The following ZFHX3 variants were observed in gnomAD, a reference collection of about 807,000 sequenced individuals.
ZFHX3 encodes zinc finger homeobox protein 3.
In ZFHX3, 42 loss-of-function variants were observed where a neutral mutation model predicts 279.1. That is an observed-to-expected ratio of 0.15 (90% confidence interval 0.12 to 0.19). The LOEUF (loss-of-function observed/expected upper bound fraction) is 0.19. ZFHX3 is among the 10% of genes least tolerant of loss of function. The pLI, the probability that ZFHX3 is intolerant of heterozygous loss-of-function variation, is 1.00. For synonymous variants in ZFHX3, 2,293 were observed against 1,957.8 expected, an observed-to-expected ratio of 1.17 and a Z score of -4.52; for missense variants, 4,981 against 4,754.0, an observed-to-expected ratio of 1.05 and a Z score of -1.40.
intron 7 of ZFHX3, among the ~76,000 whole-genome samples, chr16:73,097,730 C>A (rs1219833318): frequency 6.6e-6 from 1 of 152,116 alleles, no homozygotes; most frequent in Non-Finnish European, 1.5e-5. Context: ...TCCCTCTTTC[C>A]CCGTCCCCGT....
At chr16:73,011,757 T>A (rs1442256798) in intron 1 of ZFHX3, among the ~76,000 whole-genome samples, 1 of 147,554 alleles carries the variant, frequency 6.8e-6, no homozygotes, top group Non-Finnish European at 1.5e-5. Flanking sequence ...CCCCTGTGGA[T>A]TCTTAAGCTT....
At chr16:73,187,398 G>T (rs750141070) in intron 5 of ZFHX3, among the ~76,000 whole-genome samples, 2 of 151,302 alleles carry the variant, frequency 1.3e-5, no homozygotes, top group Non-Finnish European at 2.9e-5. Flanking sequence ...ACAGAGAAAC[G>T]TCAAGGACAG....
chr16:73,786,336 C>T (rs1304078688), intron 1 of ZFHX3, among the ~76,000 whole-genome samples: 1 of 152,058 alleles, frequency 6.6e-6, no homozygotes, highest in African/African-American at 2.4e-5. Context: ...CTGTAATTGT[C>T]ATAAAGTTTC....
chr16:73,101,769 T>G (rs1267086953), intron 7 of ZFHX3, among the ~76,000 whole-genome samples: 1 of 151,924 alleles, frequency 6.6e-6, no homozygotes, highest in African/African-American at 2.4e-5. Context: ...TCTTTATTTT[T>G]GTTAATGACA....
intron 2 of ZFHX3, among the ~76,000 whole-genome samples, chr16:73,513,171 G>A (rs1457687481): frequency 6.6e-6 from 1 of 152,176 alleles, no homozygotes; most frequent in African/African-American, 2.4e-5. Flanking sequence ...TGAGACAGAT[G>A]GACAGCTCTT....
chr16:73,070,634 T>G (rs1451820997), intron 8 of ZFHX3, among the ~76,000 whole-genome samples: 4 of 152,078 alleles, frequency 2.6e-5, no homozygotes, highest in African/African-American at 7.2e-5. Flanking sequence ...AGGCACTGCC[T>G]TTATGGAGTC....
At chr16:73,523,378 T>G (rs1419378806) in intron 2 of ZFHX3, among the ~76,000 whole-genome samples, 3 of 152,162 alleles carry the variant, frequency 2.0e-5, no homozygotes, top group Non-Finnish European at 4.4e-5. Context: ...TCCCTGGGTT[T>G]TATATGCTCT....
chr16:73,178,188 AG>A (rs1967709400), intron 5 of ZFHX3, among the ~76,000 whole-genome samples: 1 of 151,650 alleles, frequency 6.6e-6, no homozygotes, highest in Admixed American at 6.6e-5. Flanking sequence ...CTCACTCCGG[AG>A]TACAGTGGTG....
chr16:73,404,917 A>G (rs957664876), intron 3 of ZFHX3, among the ~76,000 whole-genome samples: 1 of 152,228 alleles, frequency 6.6e-6, no homozygotes, highest in Admixed American at 6.5e-5. Context: ...CAAGCTAAGC[A>G]GACTGCCCAA....
intron 8 of ZFHX3, among the ~76,000 whole-genome samples, chr16:73,090,538 C>T (rs992938012): frequency 2.0e-5 from 3 of 152,022 alleles, no homozygotes; most frequent in Non-Finnish European, 4.4e-5. Flanking sequence ...ATAGTATTTG[C>T]TCAATAAATG....
intron 2 of ZFHX3, among the ~76,000 whole-genome samples, chr16:73,644,043 A>G (rs961472162): frequency 6.6e-6 from 1 of 152,060 alleles, no homozygotes. Context: ...AGGTTCATTC[A>G]TCTTTCTGCA....
intron 3 of ZFHX3, among the ~76,000 whole-genome samples, chr16:72,941,488 A>G (rs1960408436): frequency 6.6e-6 from 1 of 152,206 alleles, no homozygotes; most frequent in Non-Finnish European, 1.5e-5. Context: ...CGGGATGCCC[A>G]GTTAAATGTG....
intron 1 of ZFHX3, among the ~76,000 whole-genome samples, chr16:73,001,393 C>T (rs113483015): frequency 2.6e-5 from 4 of 152,330 alleles, no homozygotes; most frequent in African/African-American, 9.6e-5. Flanking sequence ...AGCTACGCCA[C>T]AGCCCGATTC....
At chr16:72,792,031 A>G (rs1016201116) in intron 9 of ZFHX3, among the ~76,000 whole-genome samples, 2 of 152,270 alleles carry the variant, frequency 1.3e-5, no homozygotes, top group East Asian at 3.9e-4. Context: ...GAACTAATCA[A>G]TTCAGGCCAT....
intron 2 of ZFHX3, among the ~76,000 whole-genome samples, chr16:73,587,885 A>C (rs1375198527): frequency 6.6e-6 from 1 of 152,252 alleles, no homozygotes; most frequent in Non-Finnish European, 1.5e-5. Context: ...CTGTACAAAC[A>C]GCAATTTCAT....
chr16:73,055,847 T>TACATAC lies in ZFHX3; in HGVS notation c.-24+2682_-24+2683insGTATGT, dbSNP rs146590791. On this transcript the variant is annotated intron_variant, in intron 1 of 8. Coordinates refer to the ZFHX3 transcript ENST00000397992. Reference sequence around the variant, plus strand: ...CCCCAAATCCTCATACCTACAACTCTACACACACACACACACACACACACA... The same window carrying TACATAC: ...CCCCAAATCCTCATACCTACAACTCTACATACACACACACACACACACACACACACA... Among the ~76,000 whole-genome samples the TACATAC allele has an allele frequency of 4.0e-4, 56 of 138,704 alleles. 1 individual carries two copies. The East Asian group carries it at 0.012, about 30-fold the overall frequency. The allele number at this position is 138,704 out of a possible 152,430, so 91.0% of individuals were successfully genotyped here. A position where few individuals can be genotyped will look rare whatever the true frequency, so the allele number is the denominator to read the frequency against.
chr16:73,649,112 A>G (rs556126708), intron 2 of ZFHX3, among the ~76,000 whole-genome samples: 8 of 152,360 alleles, frequency 5.3e-5, no homozygotes, highest in African/African-American at 1.9e-4. Context: ...AATACTTTCT[A>G]TGTTAACCAT....
intron 7 of ZFHX3, among the ~76,000 whole-genome samples, chr16:72,800,839 T>C (rs929790904): frequency 2.0e-5 from 3 of 152,082 alleles, no homozygotes; most frequent in African/African-American, 7.2e-5. Flanking sequence ...CGATAGAGGG[T>C]GGCCTGCACA....
chr16:73,581,663 T>TA (rs2143824910), intron 2 of ZFHX3, among the ~76,000 whole-genome samples: 1 of 123,118 alleles, frequency 8.1e-6, no homozygotes, highest in South Asian at 3.3e-4. Context: ...ATGTCTCTTT[T>TA]TTTTTTTTTT....
Sources: gnomAD v4.1 joint callset for allele counts (sites outside exome capture counted in the v4.1 genomes callset) on GRCh38, gnomAD v4.1.1 for gene constraint, MANE v1.5 for transcripts, NCBI Gene and HGNC (gene_info 2026-07-23, HGNC 2026-07-21) for gene names.